Variants in NT5M observed in about 807,000 individuals in gnomAD.
The protein encoded by NT5M is 5',3'-nucleotidase, mitochondrial.
In NT5M, 22 loss-of-function variants were observed where a neutral mutation model predicts 22.2. The ratio of observed to expected loss-of-function variants is 0.99; its 90% CI spans 0.71 to 1.41. The LOEUF (loss-of-function observed/expected upper bound fraction) is 1.41, where lower values mean the gene tolerates loss of function less well. Ranked by LOEUF, NT5M falls within the 40% of genes most tolerant of loss-of-function variation. The pLI is 0.00. For synonymous variants in NT5M, 167 were observed against 133.0 expected, an observed-to-expected ratio of 1.26 and a Z score of -1.76; for missense variants, 322 against 314.8, an observed-to-expected ratio of 1.02 and a Z score of -0.17.
intron 3 of NT5M, among the ~76,000 whole-genome samples, chr17:17,326,154 G>A (rs994958723): frequency 2.0e-5 from 3 of 152,200 alleles, no homozygotes; most frequent in African/African-American, 4.8e-5. Context: ...CCTTTGATAC[G>A]CCAGGCAATG....
At chr17:17,314,203 T>G (rs1389770579) in intron 2 of NT5M, among the ~76,000 whole-genome samples, 2 of 151,954 alleles carry the variant, frequency 1.3e-5, no homozygotes, top group Non-Finnish European at 2.9e-5. Flanking sequence ...CCGGCTAATT[T>G]TTTGTATTTT....
chr17:17,320,687 G>T (rs2049132680), intron 2 of NT5M, among the ~76,000 whole-genome samples: 1 of 152,158 alleles, frequency 6.6e-6, no homozygotes, highest in Admixed American at 6.6e-5. Flanking sequence ...CATGCACATG[G>T]TGTTTAAAGC....
chr17:17,344,600 T>C (rs889749764), intron 3 of NT5M, among the ~76,000 whole-genome samples, 194 bp from the exon 4 acceptor site: 2 of 152,160 alleles, frequency 1.3e-5, no homozygotes, highest in Non-Finnish European at 2.9e-5. Context: ...CCATGTGCGC[T>C]CCCTGAGTGC....
intron 3 of NT5M, among the ~76,000 whole-genome samples, chr17:17,331,912 C>T (rs2145405205): frequency 6.6e-6 from 1 of 151,440 alleles, no homozygotes; most frequent in Non-Finnish European, 1.5e-5. Flanking sequence ...TCCCAAGTAG[C>T]TGGGACTACA....
intron 3 of NT5M, among the ~76,000 whole-genome samples, chr17:17,336,000 CTTTTT>C (rs1167144502): frequency 1.0e-5 from 1 of 98,918 alleles, no homozygotes; most frequent in Non-Finnish European, 2.0e-5. Context: ...CTTATTCATT[CTTTTT>C]TTTTTTTTTT....
At chr17:17,329,901 G>A (rs989678544) in intron 3 of NT5M, among the ~76,000 whole-genome samples, 1 of 152,136 alleles carries the variant, frequency 6.6e-6, no homozygotes, top group African/African-American at 2.4e-5. Flanking sequence ...GAGCCTGGGA[G>A]GTCAAGGCTG....
At chr17:17,312,742 T>C (rs2048946754) in intron 2 of NT5M, among the ~76,000 whole-genome samples, 1 of 151,658 alleles carries the variant, frequency 6.6e-6, no homozygotes, top group Non-Finnish European at 1.5e-5. Context: ...GAGAATCACC[T>C]GAGCTCAGGA....
chr17:17,303,457 G>C lies in NT5M; in HGVS notation c.-94G>C. On this transcript the variant is annotated 5_prime_UTR_variant, in exon 1 of 5. Transcript: ENST00000389022. ...GCGCTCCACGCGCGCCCCAGCGTTGGGGGCTTCTCCTCCGCGGCGGGAATG... is the reference window on the plus strand; with the variant it reads ...GCGCTCCACGCGCGCCCCAGCGTTGCGGGCTTCTCCTCCGCGGCGGGAATG... The C allele has an allele frequency of 7.0e-6, 7 of 1,003,722 alleles. No homozygotes were observed. The highest frequency in any genetic ancestry group is 8.3e-6 in the Non-Finnish European group (7 of 843,072). 62.2% of individuals were successfully genotyped at this position (1,003,722 alleles called of 1,614,324 possible).
chr17:17,315,610 C>T (rs1194669019), intron 2 of NT5M, among the ~76,000 whole-genome samples: 2 of 150,160 alleles, frequency 1.3e-5, no homozygotes, highest in East Asian at 2.1e-4. Context: ...ATGCCTGAGC[C>T]GGGCCAGGCC....
rs955804577 is a variant in NT5M at position 17,303,768 on chromosome 17, G to A, written c.218G>A (p.Arg73His). The A allele has an allele frequency of 2.5e-6, 4 of 1,583,538 alleles. No homozygotes were observed. The highest frequency in any genetic ancestry group is 3.4e-6 in the Non-Finnish European group (4 of 1,166,730). ...CCCTTCATCGCGCTGGAGGACCGGC[G>A]CGGCTTCTGGGTGTCGGAGCAGTAC... ...DQPFIALEDR[R>H]GFWVSEQYGR... The change falls in exon 1 of 5, where the codon CGC becomes CAC. Residue 73 changes from arginine (R) to histidine (H), a missense_variant. Physicochemically the swap from Arg to His is conservative, Grantham distance 29. Transcript: ENST00000389022.
At chr17:17,343,267 G>T (rs2049686266) in intron 3 of NT5M, among the ~76,000 whole-genome samples, 1 of 152,058 alleles carries the variant, frequency 6.6e-6, no homozygotes, top group African/African-American at 2.4e-5. Context: ...GCATGTGTGT[G>T]TGCACACACG....
intron 3 of NT5M, among the ~76,000 whole-genome samples, chr17:17,325,765 C>T (rs1319172847): frequency 6.6e-6 from 1 of 152,142 alleles, no homozygotes; most frequent in Non-Finnish European, 1.5e-5. Context: ...TCTCCAGCAG[C>T]TTTTGGCTTG....
At position 17,329,035 on chromosome 17, in the gene NT5M, T is replaced by C. The variant is rs2049321446; in HGVS notation, c.429+5790T>C. On this transcript the variant is annotated intron_variant, in intron 3 of 4. Transcript: ENST00000389022. ...CTCTGTCTCCCAGGCTGGAGTGCAG[T>C]GGCGTGATCTTGGCTCACTGCAAGC... Among the ~76,000 whole-genome samples the C allele has an allele frequency of 2.0e-5, 3 of 152,220 alleles. 1 individual carries two copies. The South Asian group carries it at 6.2e-4, about 31-fold the overall frequency.
chr17:17,312,644 C>CAAAAAAAA (rs35712658), intron 2 of NT5M, among the ~76,000 whole-genome samples: 2 of 107,362 alleles, frequency 1.9e-5, no homozygotes, highest in Non-Finnish European at 3.6e-5. Flanking sequence ...AACTCCATCT[C>CAAAAAAAA]AAAAAAAAAA....
chr17:17,346,012 A>G (rs1378679248), intron 4 of NT5M, among the ~76,000 whole-genome samples: 1 of 152,144 alleles, frequency 6.6e-6, no homozygotes, highest in Non-Finnish European at 1.5e-5. Context: ...TTTCAGGTCG[A>G]GTCTTTTGGA....
In NT5M at chr17:17,303,744, C is replaced by T. The variant is rs755116384; in HGVS notation, c.194C>T (p.Pro65Leu). ...RKFRARFPDQ[P>L]FIALEDRRGF... ...TTCCGCGCGCGCTTTCCCGACCAGC[C>T]CTTCATCGCGCTGGAGGACCGGCGC... The change falls in exon 1 of 5, where the codon CCC becomes CTC. Residue 65 changes from proline (P) to leucine (L), a missense_variant. Pro to Leu is a moderately conservative substitution (Grantham distance 98). Transcript: ENST00000389022. 8.8e-6 allele frequency: 14 copies of T among 1,590,196 alleles called. No homozygotes were observed. Among genetic ancestry groups the T allele is most frequent in the South Asian group, 1.1e-5 (1 of 88,064 alleles).
chr17:17,346,899 G>T lies in NT5M; in HGVS notation c.639G>T (p.Ser213=). 1 of 1,611,094 alleles carries T rather than the reference G, an allele frequency of 6.2e-7. No homozygotes were observed. The highest frequency in any genetic ancestry group is 1.3e-5 in the African/African-American group (1 of 75,042). ...AGCCCCCCCGCCGCAGGCTGCACTC[G>T]TGGGCGGACGACTGGAAGGCCATTC... ...QLQPPRRRLH[S]WADDWKAILD... The change falls in exon 5 of 5, where the codon TCG becomes TCT. Residue 213 remains serine, a synonymous_variant. Transcript: ENST00000389022.
intron 3 of NT5M, among the ~76,000 whole-genome samples, chr17:17,324,693 G>C (rs1156849663): frequency 6.6e-6 from 1 of 151,184 alleles, no homozygotes; most frequent in East Asian, 2.0e-4. Context: ...AGTGGGTCTT[G>C]TTCTGTCACC....
chr17:17,304,571 GC>G, intron 1 of NT5M: 1 of 319,684 alleles, frequency 3.1e-6, no homozygotes, highest in Non-Finnish European at 4.5e-6. Flanking sequence ...CCCTTGATTG[GC>G]CACCTAGGGT....
Sources: allele counts gnomAD v4.1 joint callset (sites outside exome capture counted in the v4.1 genomes callset), GRCh38; gene constraint gnomAD v4.1.1; transcripts MANE v1.5; gene names NCBI Gene and HGNC (gene_info 2026-07-23, HGNC 2026-07-21).